Variants in SMARCA2 observed in about 807,000 individuals in gnomAD.
SMARCA2 encodes SWI/SNF related BAF chromatin remodeling complex subunit ATPase 2, also known as SWI/SNF-related matrix-associated actin-dependent regulator of chromatin subfamily A member 2.
A neutral mutation model predicts 199.8 loss-of-function variants in SMARCA2; 61 were observed. The observed-to-expected ratio is 0.31, with a 90% CI of 0.25 to 0.38. The LOEUF is 0.38. SMARCA2 is among the 10% of genes least tolerant of loss of function. The pLI, the probability that SMARCA2 is intolerant of heterozygous loss-of-function variation, is 1.00. For missense variants in SMARCA2, 1,344 were observed against 2,012.2 expected (o/e 0.67, Z 6.35); for synonymous variants, 935 against 732.0 (o/e 1.28, Z -4.48).
At chr9:2,105,679 C>G (rs1021471131) in intron 23 of SMARCA2, among the ~76,000 whole-genome samples, 4 of 152,292 alleles carry the variant, frequency 2.6e-5, no homozygotes, top group African/African-American at 9.6e-5. Flanking sequence ...TTTATTGTCT[C>G]TTCTCCTTTG....
intron 32 of SMARCA2, among the ~76,000 whole-genome samples, chr9:2,190,329 T>A (rs1827788850): frequency 1.4e-5 from 2 of 138,314 alleles, no homozygotes; most frequent in African/African-American, 6.4e-5. Flanking sequence ...CACAGCAGCT[T>A]TGTTTATACT....
At chr9:2,097,933 G>C (rs1822341789) in intron 21 of SMARCA2, among the ~76,000 whole-genome samples, 1 of 152,194 alleles carries the variant, frequency 6.6e-6, no homozygotes, top group South Asian at 2.1e-4. Flanking sequence ...GCTTTAGTCT[G>C]TTACTTTGAT....
chr9:2,056,561 G>C lies in SMARCA2; in HGVS notation c.1174-111G>C, dbSNP rs1309704724. The C allele has an allele frequency of 1.1e-6, 1 of 903,268 alleles. No individual in the cohort carries two copies. Among genetic ancestry groups the C allele is most frequent in the African/African-American group, 1.7e-5 (1 of 59,514 alleles). The allele number at this position is 903,268 out of a possible 1,614,324, so 56.0% of individuals were successfully genotyped here. ...CAAACCAAAGGTGATTGAGAAGCTTGTGGAGATTCCCCGCCCCACTCTATT... is the reference window on the plus strand; with the variant it reads ...CAAACCAAAGGTGATTGAGAAGCTTCTGGAGATTCCCCGCCCCACTCTATT... On this transcript the variant is annotated intron_variant, in intron 6 of 33. Transcript: ENST00000349721. This position sits in a 1 kb window ranked among gnomAD's most constrained non-coding sequence, Gnocchi z 4.0.
intron 27 of SMARCA2, among the ~76,000 whole-genome samples, chr9:2,147,110 A>G (rs1192879566): frequency 6.6e-6 from 1 of 152,152 alleles, no homozygotes; most frequent in African/African-American, 2.4e-5. Flanking sequence ...AATTTAAGAA[A>G]CTGAGTAGTG....
At chr9:2,182,318 T>G (rs1399951664) in intron 31 of SMARCA2, 76 bp downstream of exon 31, 1 of 856,866 alleles carries the variant, frequency 1.2e-6, no homozygotes, top group Non-Finnish European at 1.9e-6. Flanking sequence ...AATATTTCAT[T>G]TTCTACCTCT....
At chr9:2,058,240 A>G (rs775694381) in intron 7 of SMARCA2, 51 bp from the exon 8 acceptor site, 11 of 1,504,012 alleles carry the variant, frequency 7.3e-6, no homozygotes, top group South Asian at 6.9e-5. Flanking sequence ...CTCAGAGGAC[A>G]CTGGTCATTG....
At chr9:2,188,489 T>C (rs941583979) in intron 32 of SMARCA2, among the ~76,000 whole-genome samples, 1 of 152,226 alleles carries the variant, frequency 6.6e-6, no homozygotes, top group African/African-American at 2.4e-5. Context: ...CATGTAGTTA[T>C]TCCTTTGTTC....
At chr9:2,120,685 A>T (rs77796157) in intron 26 of SMARCA2, among the ~76,000 whole-genome samples, 1,811 of 152,250 alleles carry the variant, frequency 0.012, 33 homozygotes, top group African/African-American at 0.041. Flanking sequence ...GTATATAATG[A>T]TCCACAATAA....
chr9:2,189,522 C>T (rs193275805), intron 32 of SMARCA2, among the ~76,000 whole-genome samples: 1 of 152,266 alleles, frequency 6.6e-6, no homozygotes, highest in East Asian at 1.9e-4. Context: ...TTCACTTTGT[C>T]TTTCCACACT....
chr9:2,155,654 C>T (rs372710552), intron 27 of SMARCA2, among the ~76,000 whole-genome samples: 3 of 148,884 alleles, frequency 2.0e-5, no homozygotes, highest in Admixed American at 6.8e-5. Flanking sequence ...ATGTGTAAGC[C>T]GTAGCTCCCC....
intron 5 of SMARCA2, among the ~76,000 whole-genome samples, chr9:2,050,266 AT>A (rs1820056946): frequency 6.6e-6 from 1 of 151,846 alleles, no homozygotes; most frequent in African/African-American, 2.4e-5. Context: ...TCTTTCTCTT[AT>A]AATGGAACTT....
At chr9:2,093,198 A>T (rs1822133816) in intron 19 of SMARCA2, among the ~76,000 whole-genome samples, 1 of 152,228 alleles carries the variant, frequency 6.6e-6, no homozygotes, top group Admixed American at 6.5e-5. Flanking sequence ...ACCAATCAGA[A>T]TGAATGATCC....
In SMARCA2 at chr9:2,170,357, G is replaced by C. The variant is rs1358511218; in HGVS notation, c.4200-62G>C. 14 of 1,607,652 alleles carry C rather than the reference G, an allele frequency of 8.7e-6. No homozygotes were observed. Among genetic ancestry groups the C allele is most frequent in the African/African-American group, 1.3e-5 (1 of 74,628 alleles). On this transcript the variant is annotated intron_variant, in intron 28 of 33. Transcript: ENST00000349721. This position sits in a 1 kb window ranked among gnomAD's most constrained non-coding sequence, Gnocchi z 4.7. ...CCAGGTCACCCAGCCTAGGAAGAAG[G>C]AGCCGGGCGGGGACGAGAACCCAGG...
At chr9:2,159,972 G>C (rs996462233) in intron 27 of SMARCA2, 1 of 1,559,694 alleles carries the variant, frequency 6.4e-7, no homozygotes, top group Non-Finnish European at 8.7e-7. Flanking sequence ...GGCATGTGTA[G>C]GTGTGTAACA....
intron 32 of SMARCA2, among the ~76,000 whole-genome samples, chr9:2,190,881 T>C (rs563015478): frequency 1.1e-4 from 16 of 152,360 alleles, no homozygotes; most frequent in African/African-American, 3.8e-4. Context: ...CTTTAAACTC[T>C]TTACATTTAT....
intron 27 of SMARCA2, among the ~76,000 whole-genome samples, chr9:2,133,967 G>C (rs967647554): frequency 6.6e-6 from 1 of 152,174 alleles, no homozygotes; most frequent in African/African-American, 2.4e-5. Flanking sequence ...ACCTCTCATA[G>C]CTTTGCTTTC....
At chr9:2,120,618 G>C (rs181859201) in intron 26 of SMARCA2, among the ~76,000 whole-genome samples, 1 of 152,306 alleles carries the variant, frequency 6.6e-6, no homozygotes, top group Admixed American at 6.5e-5. Flanking sequence ...CCTGTTTGGA[G>C]AGGCTTATGT....
intron 30 of SMARCA2, 141 bp from the exon 31 acceptor site, chr9:2,182,000 C>T (rs769922637): frequency 2.8e-6 from 2 of 710,042 alleles, no homozygotes; most frequent in East Asian, 5.0e-5. Context: ...ATGGCGCCCC[C>T]TGGGGTTATG....
At chr9:2,045,205 A>G (rs1819785594) in intron 4 of SMARCA2, 1 of 152,244 alleles carries the variant, frequency 6.6e-6, no homozygotes, top group Non-Finnish European at 1.5e-5. Context: ...TTCCGATATT[A>G]TCAGTAAGAC....
Sources: gnomAD v4.1 joint callset for allele counts (sites outside exome capture counted in the v4.1 genomes callset) on GRCh38, gnomAD v4.1.1 for gene constraint, Gnocchi (gnomAD v3.1) non-coding constraint, MANE v1.5 for transcripts, NCBI Gene and HGNC (gene_info 2026-07-23, HGNC 2026-07-21) for gene names.